GPHN: variants seen among roughly 807,000 people sequenced by gnomAD.
GPHN encodes gephyrin.
A neutral mutation model predicts 95.5 loss-of-function variants in GPHN; 17 were observed. The observed-to-expected ratio is 0.18, with a 90% CI of 0.12 to 0.27. GPHN has a LOEUF of 0.27. GPHN is among the 10% of genes least tolerant of loss of function. The pLI is 1.00. For synonymous variants in GPHN, 320 were observed against 322.5 expected, an observed-to-expected ratio of 0.99 and a Z score of 0.08; for missense variants, 660 against 978.1, an observed-to-expected ratio of 0.67 and a Z score of 4.34.
the GPHN span, among the ~76,000 whole-genome samples, chr14:67,730,787 C>T: frequency 2.0e-5 from 3 of 152,058 alleles, no homozygotes; most frequent in South Asian, 4.1e-4. Context: ...TATTTTTAGT[C>T]GAGATGGGCT....
the GPHN span, among the ~76,000 whole-genome samples, chr14:67,393,979 T>C: frequency 6.6e-6 from 1 of 152,110 alleles, no homozygotes; most frequent in Admixed American, 6.5e-5. Flanking sequence ...TCACTTCTGT[T>C]TGTAAGTCCC....
At chr14:66,874,709 A>G (rs149825135) in intron 4 of GPHN, among the ~76,000 whole-genome samples, 7,444 of 152,258 alleles carry the variant, frequency 0.049, 854 homozygotes, top group East Asian at 0.43. Flanking sequence ...GATTAAAGAA[A>G]AAAGAATGAA....
chr14:66,808,806 G>A (rs140976402), intron 3 of GPHN, among the ~76,000 whole-genome samples: 4 of 152,172 alleles, frequency 2.6e-5, no homozygotes, highest in Non-Finnish European at 4.4e-5. Context: ...CAAAAAATAT[G>A]TATATATTTT....
chr14:67,051,634 A>T (rs1337538023), intron 10 of GPHN, among the ~76,000 whole-genome samples: 1 of 152,170 alleles, frequency 6.6e-6, no homozygotes, highest in East Asian at 1.9e-4. Flanking sequence ...ATGAGAAGAA[A>T]GGTCATCCCC....
At chr14:67,653,363 TA>T in the GPHN span, 2 of 1,351,026 alleles carry the variant, frequency 1.5e-6, no homozygotes, top group Middle Eastern at 3.6e-4. Flanking sequence ...AGGACCTTTG[TA>T]AGTCACTATT....
chr14:67,453,380 C>T, the GPHN span, among the ~76,000 whole-genome samples: 1 of 152,162 alleles, frequency 6.6e-6, no homozygotes, highest in Non-Finnish European at 1.5e-5. Context: ...GAAAAGTATC[C>T]TGCCCTCCCA....
chr14:67,285,444 G>GC, the GPHN span, among the ~76,000 whole-genome samples: 1 of 148,450 alleles, frequency 6.7e-6, no homozygotes, highest in Admixed American at 6.9e-5. Context: ...TCGGCTCACT[G>GC]CAAGCTCCAC....
the GPHN span, among the ~76,000 whole-genome samples, chr14:67,451,861 G>A: frequency 6.6e-6 from 1 of 152,154 alleles, no homozygotes; most frequent in African/African-American, 2.4e-5. Flanking sequence ...GAGGGGCCAG[G>A]GGTGGAATGA....
intron 4 of GPHN, among the ~76,000 whole-genome samples, chr14:66,851,547 T>G (rs1335293443): frequency 2.0e-5 from 3 of 152,180 alleles, no homozygotes; most frequent in Admixed American, 6.5e-5. Flanking sequence ...CTATATTGTA[T>G]AATACAGCTA....
At chr14:67,229,730 TAA>T in the GPHN span, among the ~76,000 whole-genome samples, 1 of 152,222 alleles carries the variant, frequency 6.6e-6, no homozygotes, top group Non-Finnish European at 1.5e-5. Flanking sequence ...ATATATTGGT[TAA>T]ATAAAAATAT....
At chr14:67,093,080 A>T (rs1468037649) in intron 12 of GPHN, among the ~76,000 whole-genome samples, 1 of 152,108 alleles carries the variant, frequency 6.6e-6, no homozygotes, top group East Asian at 1.9e-4. Flanking sequence ...TTTGGAAAAA[A>T]GGAATATTTT....
intron 2 of GPHN, among the ~76,000 whole-genome samples, chr14:66,769,567 A>G (rs1334338706): frequency 6.6e-6 from 1 of 152,126 alleles, no homozygotes; most frequent in Non-Finnish European, 1.5e-5. Context: ...ATAAATTAGA[A>G]CATGTGGTAT....
At chr14:66,509,570 G>A (rs1267549713) in intron 1 of GPHN, among the ~76,000 whole-genome samples, 3 of 152,180 alleles carry the variant, frequency 2.0e-5, no homozygotes, top group East Asian at 1.9e-4. Context: ...GATTTGTAGG[G>A]GTTTCTGCTG....
the GPHN span, among the ~76,000 whole-genome samples, chr14:67,356,827 A>T: frequency 6.6e-6 from 1 of 152,216 alleles, no homozygotes; most frequent in Non-Finnish European, 1.5e-5. Context: ...CCTGAGAAGG[A>T]GCTATCCATC....
chr14:67,344,362 A>T, the GPHN span, among the ~76,000 whole-genome samples: 1 of 152,130 alleles, frequency 6.6e-6, no homozygotes, highest in African/African-American at 2.4e-5. Context: ...TTATCAAATC[A>T]TTTCTGCTTC....
chr14:67,389,318 T>C, the GPHN span, among the ~76,000 whole-genome samples: 1 of 152,020 alleles, frequency 6.6e-6, no homozygotes, highest in Non-Finnish European at 1.5e-5. Flanking sequence ...TCAAGGGCAG[T>C]CTCAGGGAGG....
intron 1 of GPHN, among the ~76,000 whole-genome samples, chr14:66,529,671 A>T (rs2058833717): frequency 6.6e-6 from 1 of 151,998 alleles, no homozygotes; most frequent in Non-Finnish European, 1.5e-5. Flanking sequence ...CTTTTTGTTA[A>T]TGTTGATGCT....
intron 16 of GPHN, among the ~76,000 whole-genome samples, chr14:67,118,219 A>T (rs75369632): frequency 0.016 from 2,417 of 152,308 alleles, 32 homozygotes; most frequent in Middle Eastern, 0.031. Context: ...TAACTCCTAA[A>T]GTGATGGCTG....
chr14:66,569,526 G>A (rs1054568945), intron 1 of GPHN, among the ~76,000 whole-genome samples: 53 of 152,012 alleles, frequency 3.5e-4, no homozygotes, highest in African/African-American at 1.2e-3. Flanking sequence ...AGCTGAGCAT[G>A]GTGGGGGGCC....
Sources: allele counts gnomAD v4.1 joint callset (sites outside exome capture counted in the v4.1 genomes callset), GRCh38; gene constraint gnomAD v4.1.1; transcripts MANE v1.5; gene names NCBI Gene and HGNC (gene_info 2026-07-23, HGNC 2026-07-21).